AFF1: variants seen among roughly 807,000 people sequenced by gnomAD.
The protein encoded by AFF1 is ALF transcription elongation factor 1, also known as AF4/FMR2 family member 1.
AFF1 carries 48 observed loss-of-function variants against 121.7 expected under a neutral mutation model. The observed-to-expected ratio is 0.39, with a 90% CI of 0.31 to 0.50. The LOEUF (loss-of-function observed/expected upper bound fraction) is 0.50, where lower values mean the gene tolerates loss of function less well. Ranked by LOEUF, AFF1 falls within the 20% of genes least tolerant of loss-of-function variation. The probability of loss-of-function intolerance (pLI) is 0.76; values close to 1 mark genes in which losing one functional copy is unlikely to be tolerated. For synonymous variants in AFF1, 613 were observed against 563.0 expected (o/e 1.09, Z -1.26); for missense variants, 1,523 against 1,511.7 (o/e 1.01, Z -0.12).
intron 2 of AFF1, among the ~76,000 whole-genome samples, chr4:87,035,966 G>C (rs962309793): frequency 3.3e-5 from 5 of 152,084 alleles, no homozygotes; most frequent in African/African-American, 1.2e-4. Context: ...GGTCCTTCAG[G>C]GTCAGTTGAT....
intron 5 of AFF1, 108 bp from the exon 6 acceptor site, chr4:87,089,876 A>G: frequency 1.4e-6 from 1 of 738,624 alleles, no homozygotes; most frequent in African/African-American, 1.8e-5. Context: ...TTAAGATTGT[A>G]CTTGCCATTT....
intron 4 of AFF1, 125 bp from the exon 5 acceptor site, chr4:87,083,995 T>C: frequency 1.2e-6 from 1 of 843,964 alleles, no homozygotes; most frequent in Non-Finnish European, 2.0e-6. Flanking sequence ...TGTAAAGTTC[T>C]TAATACTTAG....
At chr4:87,122,180 C>T (rs1030974470) in intron 12 of AFF1, among the ~76,000 whole-genome samples, 3 of 152,200 alleles carry the variant, frequency 2.0e-5, no homozygotes, top group African/African-American at 7.2e-5. Context: ...GACAAAGTTT[C>T]TGTCTTGTAA....
In AFF1 at chr4:87,115,176, C is replaced by T. The variant is rs1726972972; in HGVS notation, c.2343C>T (p.Pro781=). ...CCCTAGACCTGCTCTCTCGGATACC[C>T]CAGCCTCCCGGGAAGGGGAGCCGCC... ...KITLDLLSRI[P]QPPGKGSRQR... is the part of the protein sequence containing the mutation. Residue 781 remains proline, a synonymous_variant, in exon 12 of 21, where the codon CCC becomes CCT. Coordinates refer to ENST00000395146, the MANE Select transcript of AFF1 (RefSeq NM_001166693.3). 6.2e-7 allele frequency: 1 copy of T among 1,614,168 alleles called. No individual in the cohort carries two copies. The highest frequency in any genetic ancestry group is 1.3e-5 in the African/African-American group (1 of 75,044).
chr4:87,065,094 T>G (rs1280761744), intron 4 of AFF1, among the ~76,000 whole-genome samples: 1 of 152,132 alleles, frequency 6.6e-6, no homozygotes. Context: ...ATGTGGTGCA[T>G]TAGTCTGCTT....
intron 4 of AFF1, among the ~76,000 whole-genome samples, chr4:87,054,603 T>G (rs1429438652): frequency 1.3e-5 from 2 of 152,194 alleles, no homozygotes; most frequent in African/African-American, 2.4e-5. Flanking sequence ...ATGACCTAAA[T>G]GTGTTAGGAA....
chr4:87,065,279 T>C (rs551537560), intron 4 of AFF1, among the ~76,000 whole-genome samples: 34 of 152,212 alleles, frequency 2.2e-4, no homozygotes, highest in Non-Finnish European at 4.7e-4. Context: ...AACTCCTGTT[T>C]TTAAAACCAT....
At chr4:87,127,291 G>T (rs1360120567) in intron 15 of AFF1, among the ~76,000 whole-genome samples, 174 bp downstream of exon 15, 1 of 151,750 alleles carries the variant, frequency 6.6e-6, no homozygotes, top group Non-Finnish European at 1.5e-5. Context: ...CTCCCAAGTA[G>T]TTGGGACTAC....
rs144846773 is a variant in AFF1, at chr4:87,004,873, TGTAA to T, written c.39-41290_39-41287del. Among the ~76,000 whole-genome samples, 653 of 152,366 alleles carry T rather than the reference TGTAA, an allele frequency of 4.3e-3. 4 individuals are homozygous for T. Among genetic ancestry groups the T allele is most frequent in the African/African-American group, 0.015 (606 of 41,594 alleles). Reference sequence around the variant, plus strand: ...CTTCTTTGATATTATACCAAAACTCTGTAAGTGTTAGTTTCTTAAAGGTTAATTG... The same window carrying T: ...CTTCTTTGATATTATACCAAAACTCTGTGTTAGTTTCTTAAAGGTTAATTG... On this transcript the variant is annotated intron_variant, in intron 2 of 20. Transcript: ENST00000395146.
intron 4 of AFF1, among the ~76,000 whole-genome samples, chr4:87,053,258 CT>C (rs759437872): frequency 1.1e-4 from 17 of 152,186 alleles, no homozygotes; most frequent in Non-Finnish European, 2.1e-4. Context: ...CTTGTGGCCT[CT>C]TGTCACATCA....
In AFF1 at chr4:87,114,884, C is replaced by A; in HGVS notation, c.2051C>A (p.Pro684His). The A allele has an allele frequency of 6.2e-7, 1 of 1,613,378 alleles. No individual in the cohort carries two copies. The highest frequency in any genetic ancestry group is 8.5e-7 in the Non-Finnish European group (1 of 1,179,730). ...AAGAAGAAGCACAAGAGCTCCCTCC[C>A]TGCCCCCTCTAAGGCTCTCTCAGGC... ...SEKKKHKSSLPAPSKALSGPE... is the reference protein window; with the variant it reads ...SEKKKHKSSLHAPSKALSGPE... Residue 684 changes from proline (P) to histidine (H), a missense_variant, in exon 12 of 21, where the codon CCT becomes CAT. This residue lies in a region of AFF1 where 905 missense variants were observed against 842.5 expected (regional missense o/e 1.07). Transcript: ENST00000395146.
At chr4:87,073,678 G>A (rs745508611) in intron 4 of AFF1, among the ~76,000 whole-genome samples, 5 of 152,072 alleles carry the variant, frequency 3.3e-5, no homozygotes, top group African/African-American at 7.2e-5. Context: ...AGTTTCTTTC[G>A]GCCTCATCCA....
At chr4:87,009,531 C>G (rs186669789) in intron 2 of AFF1, among the ~76,000 whole-genome samples, 111 of 152,306 alleles carry the variant, frequency 7.3e-4, no homozygotes, top group African/African-American at 2.6e-3. Context: ...CCGACATGCC[C>G]TGGAACTAGG....
intron 2 of AFF1, among the ~76,000 whole-genome samples, chr4:87,009,273 C>T (rs72667750): frequency 0.16 from 24,251 of 152,174 alleles, 2,457 homozygotes; most frequent in East Asian, 0.32. Flanking sequence ...TGCCTGAGGT[C>T]ACAAAGGTGG....
rs1728861268 is a variant in AFF1, at chr4:87,131,876, C to T, written c.3173+12C>T. The T allele has an allele frequency of 6.4e-7, 1 of 1,568,370 alleles. No homozygotes were observed. Among genetic ancestry groups the T allele is most frequent in the Non-Finnish European group, 8.6e-7 (1 of 1,163,724 alleles). On this transcript the variant is annotated intron_variant, in intron 18 of 20. Transcript: ENST00000395146. ...TTTGCTGTTTTATGGTGCGTATTTT[C>T]CTTTGTCTAAATAGTACTAAATTTG...
At chr4:87,044,063 G>T (rs113670795) in intron 2 of AFF1, among the ~76,000 whole-genome samples, 24 of 152,258 alleles carry the variant, frequency 1.6e-4, no homozygotes, top group African/African-American at 5.8e-4. Context: ...TGATCCACCT[G>T]CCTTGGCCTC....
In AFF1 at chr4:87,114,595, G is replaced by A. The variant is rs1379173014; in HGVS notation, c.1762G>A (p.Gly588Arg). The change falls in exon 12 of 21, where the codon GGA becomes AGA. Residue 588 changes from glycine to arginine, a missense_variant. This residue lies in a region of AFF1 where 905 missense variants were observed against 842.5 expected (regional missense o/e 1.07). Transcript: ENST00000395146. ...GGCCCCACCCGAAGCCCCCCACCCC[G>A]GAAAGAGGAGCTGTCAGAAGTCTCC... ...PRAPPEAPHP[G>R]KRSCQKSPAQ... The A allele has an allele frequency of 1.7e-4, 66 of 381,744 alleles. No individual in the cohort carries two copies. Among genetic ancestry groups the A allele is most frequent in the Non-Finnish European group, 2.6e-4 (59 of 229,672 alleles). The allele number at this position is 381,744 out of a possible 1,614,324, so 23.6% of individuals were successfully genotyped here.
intron 2 of AFF1, among the ~76,000 whole-genome samples, chr4:86,958,082 TTTTTTTTCC>T (rs1560501313): frequency 1.1e-4 from 13 of 120,348 alleles, no homozygotes; most frequent in African/African-American, 2.1e-4. Context: ...AACTTTTTCT[TTTTTTTTCC>T]TTTTTTTTTT....
intron 2 of AFF1, among the ~76,000 whole-genome samples, chr4:87,038,768 T>C (rs1446568396): frequency 6.6e-6 from 1 of 152,252 alleles, no homozygotes; most frequent in Non-Finnish European, 1.5e-5. Flanking sequence ...TAATGTACAC[T>C]GTTGATTTTA....
Sources: allele counts gnomAD v4.1 joint callset (sites outside exome capture counted in the v4.1 genomes callset), GRCh38; gene constraint gnomAD v4.1.1; regional missense constraint gnomAD v4.1.1; transcripts MANE v1.5; gene names NCBI Gene and HGNC (gene_info 2026-07-23, HGNC 2026-07-21).